Variants in IPCEF1 observed in about 807,000 individuals in gnomAD.
The protein encoded by IPCEF1 is interaction protein for cytohesin exchange factors 1.
In IPCEF1, 31 loss-of-function variants were observed where a neutral mutation model predicts 50.9. The observed-to-expected ratio is 0.61, with a 90% CI of 0.46 to 0.82. The LOEUF (loss-of-function observed/expected upper bound fraction) is 0.82, where lower values mean the gene tolerates loss of function less well. Among genes scored for constraint, IPCEF1 ranks in the 40% least tolerant of loss-of-function variants. The pLI is 0.00. For missense variants in IPCEF1, 458 were observed against 514.0 expected (o/e 0.89, Z 1.05); for synonymous variants, 181 against 192.0 (o/e 0.94, Z 0.47).
At chr6:154,216,713 C>A (rs1778423967) in intron 7 of IPCEF1, among the ~76,000 whole-genome samples, 1 of 152,078 alleles carries the variant, frequency 6.6e-6, no homozygotes, top group Non-Finnish European at 1.5e-5. Context: ...ACCAAAAATA[C>A]AAAAATTAGC....
At chr6:154,228,793 C>A (rs1034787078) in intron 5 of IPCEF1, among the ~76,000 whole-genome samples, 1 of 152,126 alleles carries the variant, frequency 6.6e-6, no homozygotes, top group Non-Finnish European at 1.5e-5. Context: ...GCGGCCAAGG[C>A]GGGAGGATGA....
At chr6:154,219,985 A>AGTGT (rs57450665) in intron 7 of IPCEF1, among the ~76,000 whole-genome samples, 4,878 of 140,048 alleles carry the variant, frequency 0.035, 124 homozygotes, top group African/African-American at 0.079. Flanking sequence ...ACCTGTAAGG[A>AGTGT]GTGTGTGTGT....
intron 2 of IPCEF1, among the ~76,000 whole-genome samples, chr6:154,270,510 A>G (rs1781874566): frequency 6.6e-6 from 1 of 152,222 alleles, no homozygotes; most frequent in Non-Finnish European, 1.5e-5. Flanking sequence ...CTGCATATTC[A>G]ATAAAAATAT....
At chr6:154,354,562 G>A (rs1027692771) in intron 1 of IPCEF1, among the ~76,000 whole-genome samples, 1 of 129,892 alleles carries the variant, frequency 7.7e-6, no homozygotes, top group East Asian at 2.3e-4. Flanking sequence ...CTCCACCATC[G>A]CCTCCACAAC....
At chr6:154,290,080 C>G (rs1782474951) in intron 1 of IPCEF1, among the ~76,000 whole-genome samples, 2 of 152,274 alleles carry the variant, frequency 1.3e-5, no homozygotes, top group Admixed American at 6.5e-5. Context: ...CAGGCAGTCT[C>G]CCATTAGATA....
At chr6:154,225,504 C>T (rs1779179229) in intron 5 of IPCEF1, among the ~76,000 whole-genome samples, 2 of 152,306 alleles carry the variant, frequency 1.3e-5, no homozygotes, top group South Asian at 4.1e-4. Context: ...GCTCATCTCT[C>T]GTATGATTCA....
At chr6:154,225,434 A>T (rs913644640) in intron 5 of IPCEF1, among the ~76,000 whole-genome samples, 1 of 152,250 alleles carries the variant, frequency 6.6e-6, no homozygotes, top group Non-Finnish European at 1.5e-5. Flanking sequence ...AAGTACTAAT[A>T]CATGCTACGT....
At chr6:154,191,328 G>T (rs1801861823) in intron 10 of IPCEF1, among the ~76,000 whole-genome samples, 1 of 152,148 alleles carries the variant, frequency 6.6e-6, no homozygotes, top group African/African-American at 2.4e-5. Flanking sequence ...GTGGATACAT[G>T]ACGTTATACA....
rs955254778 is a variant in IPCEF1 at position 154,158,871 on chromosome 6, C to T, written c.*957G>A. 3.9e-5 allele frequency: 6 copies of T among 152,108 alleles called. No individual in the cohort carries two copies. The highest frequency in any genetic ancestry group is 1.4e-4 in the African/African-American group (6 of 41,430). The allele number at this position is 152,108 out of a possible 1,614,324, so 9.4% of individuals were successfully genotyped here. ...CATATAAACATACAAAAATAAATCC[C>T]TCATGTTTAACTCTTTTGTTGCTTC... On this transcript the variant is annotated 3_prime_UTR_variant, in exon 12 of 12. Coordinates refer to ENST00000367220, the MANE Select transcript of IPCEF1 (RefSeq NM_001130700.2).
At chr6:154,307,827 T>G (rs1388341304) in intron 1 of IPCEF1, among the ~76,000 whole-genome samples, 1 of 152,208 alleles carries the variant, frequency 6.6e-6, no homozygotes, top group Non-Finnish European at 1.5e-5. Context: ...AAAATGAATG[T>G]GTGCTCACAG....
intron 1 of IPCEF1, among the ~76,000 whole-genome samples, chr6:154,342,797 C>T (rs1169187397): frequency 2.0e-5 from 3 of 152,118 alleles, no homozygotes; most frequent in Non-Finnish European, 4.4e-5. Flanking sequence ...AAATACTAAA[C>T]CTCCTAAATA....
At chr6:154,246,328 G>A (rs1356086806) in intron 5 of IPCEF1, among the ~76,000 whole-genome samples, 1 of 152,096 alleles carries the variant, frequency 6.6e-6, no homozygotes, top group Non-Finnish European at 1.5e-5. Context: ...GAACTTAAAA[G>A]TCTCCTTTAG....
chr6:154,309,167 C>T (rs1783011032), intron 1 of IPCEF1, among the ~76,000 whole-genome samples: 1 of 152,182 alleles, frequency 6.6e-6, no homozygotes, highest in South Asian at 2.1e-4. Context: ...TACTCACTCT[C>T]TCCAGCTGTC....
At chr6:154,351,225 T>C (rs1346591086) in intron 1 of IPCEF1, among the ~76,000 whole-genome samples, 1 of 152,082 alleles carries the variant, frequency 6.6e-6, no homozygotes, top group Non-Finnish European at 1.5e-5. Flanking sequence ...AAAATGGAAA[T>C]TGAATATTTT....
chr6:154,216,544 T>C (rs1778408959), intron 7 of IPCEF1, among the ~76,000 whole-genome samples: 2 of 152,132 alleles, frequency 1.3e-5, no homozygotes, highest in African/African-American at 4.8e-5. Context: ...TTGGTATGCA[T>C]AGAAAAGTGT....
chr6:154,257,105 A>G (rs1218737512), intron 3 of IPCEF1, among the ~76,000 whole-genome samples: 1 of 152,240 alleles, frequency 6.6e-6, no homozygotes, highest in East Asian at 1.9e-4. Flanking sequence ...AAACATCTGT[A>G]TATCCTGTCA....
intron 1 of IPCEF1, among the ~76,000 whole-genome samples, chr6:154,350,683 C>CT (rs1209683217): frequency 6.6e-6 from 1 of 151,958 alleles, no homozygotes; most frequent in Non-Finnish European, 1.5e-5. Flanking sequence ...AGTATATACG[C>CT]TTACTTTCAT....
intron 1 of IPCEF1, among the ~76,000 whole-genome samples, chr6:154,298,088 G>C (rs938522069): frequency 2.0e-5 from 3 of 152,168 alleles, no homozygotes; most frequent in African/African-American, 7.2e-5. Context: ...CACTTTTGAG[G>C]TTCAATGGGT....
chr6:154,339,433 T>C (rs1783856563), intron 1 of IPCEF1, among the ~76,000 whole-genome samples: 2 of 149,760 alleles, frequency 1.3e-5, no homozygotes, highest in South Asian at 4.6e-4. Context: ...TTTTTTAATC[T>C]TTAATTTTTT....
Sources: gnomAD v4.1 joint callset for allele counts (sites outside exome capture counted in the v4.1 genomes callset) on GRCh38, gnomAD v4.1.1 for gene constraint, MANE v1.5 for transcripts, NCBI Gene and HGNC (gene_info 2026-07-23, HGNC 2026-07-21) for gene names.